OLFM3: variants seen among roughly 807,000 people sequenced by gnomAD.
OLFM3 encodes noelin-3.
A neutral mutation model predicts 48.6 loss-of-function variants in OLFM3; 20 were observed. The ratio of observed to expected loss-of-function variants is 0.41; its 90% CI spans 0.29 to 0.60. The LOEUF (loss-of-function observed/expected upper bound fraction) is 0.60, where lower values mean the gene tolerates loss of function less well. Among genes scored for constraint, OLFM3 ranks in the 20% least tolerant of loss-of-function variants. The pLI is 0.28. For synonymous variants in OLFM3, 222 were observed against 198.1 expected, an observed-to-expected ratio of 1.12 and a Z score of -1.01; for missense variants, 437 against 544.3, an observed-to-expected ratio of 0.80 and a Z score of 1.96.
At chr1:101,900,694 T>TA (rs1341599360) in intron 1 of OLFM3, among the ~76,000 whole-genome samples, 8 of 151,834 alleles carry the variant, frequency 5.3e-5, no homozygotes, top group African/African-American at 1.5e-4. Context: ...CTAAATAAAG[T>TA]AAAGAAAATA....
chr1:101,838,902 A>G (rs576246897), intron 1 of OLFM3, among the ~76,000 whole-genome samples: 1 of 152,356 alleles, frequency 6.6e-6, no homozygotes, highest in South Asian at 2.1e-4. Context: ...AATCTCCCGT[A>G]TACTTTGTCC....
intron 1 of OLFM3, among the ~76,000 whole-genome samples, chr1:101,934,839 G>C (rs1057508984): frequency 1.4e-4 from 22 of 151,956 alleles, no homozygotes; most frequent in Non-Finnish European, 2.6e-4. Context: ...CAATTACAGG[G>C]AAATTAAACA....
At chr1:101,992,084 G>C (rs1469355116) in intron 1 of OLFM3, among the ~76,000 whole-genome samples, 2 of 152,072 alleles carry the variant, frequency 1.3e-5, no homozygotes, top group Non-Finnish European at 2.9e-5. Flanking sequence ...CTTCCCCAAA[G>C]TCACATCTAT....
intron 4 of OLFM3, chr1:101,813,241 A>G: frequency 2.6e-6 from 1 of 391,672 alleles, no homozygotes; most frequent in Non-Finnish European, 4.4e-6. Context: ...ATTTGTCAAT[A>G]TTAAATAAAA....
chr1:101,866,303 A>G (rs2100970168), intron 1 of OLFM3, among the ~76,000 whole-genome samples: 1 of 152,278 alleles, frequency 6.6e-6, no homozygotes, highest in Non-Finnish European at 1.5e-5. Flanking sequence ...TTGAGTTGGT[A>G]TTAAATCAAA....
At chr1:101,860,203 T>G (rs1217124521) in intron 1 of OLFM3, among the ~76,000 whole-genome samples, 1 of 152,034 alleles carries the variant, frequency 6.6e-6, no homozygotes, top group Non-Finnish European at 1.5e-5. Flanking sequence ...TCATCCAGAG[T>G]TAATTGTTAA....
chr1:101,807,225 T>C (rs1570498398), intron 4 of OLFM3, among the ~76,000 whole-genome samples: 2 of 151,806 alleles, frequency 1.3e-5, no homozygotes, highest in East Asian at 3.9e-4. Context: ...TATGAGATTT[T>C]TGAACAGCAA....
rs112571610 is a variant in OLFM3, at chr1:101,892,241, G to A, written c.70-55216C>T. ...ATTGTACTGGTTCTAGTCTCAGTTC[G>A]GTATCAGAATGACTAGAGCAGCCTG... On this transcript the variant is annotated intron_variant, in intron 1 of 5. Transcript: ENST00000370103. 3.9e-3 allele frequency among the ~76,000 whole-genome samples: 537 copies of A among 138,866 alleles called. 2 individuals are homozygous for A. Among genetic ancestry groups the A allele is most frequent in the African/African-American group, 0.013 (496 of 38,762 alleles). 91.1% of individuals were successfully genotyped at this position (138,866 alleles called of 152,430 possible).
At chr1:101,923,064 G>GTCTGACTACTAT (rs1216317839) in intron 1 of OLFM3, among the ~76,000 whole-genome samples, 4 of 152,186 alleles carry the variant, frequency 2.6e-5, no homozygotes, top group African/African-American at 9.7e-5. Context: ...TCTGACTACA[G>GTCTGACTACTAT]GGCCCTATGG....
chr1:101,894,244 C>G (rs1171685119), intron 1 of OLFM3, among the ~76,000 whole-genome samples: 1 of 152,118 alleles, frequency 6.6e-6, no homozygotes, highest in African/African-American at 2.4e-5. Flanking sequence ...CAACAAACCT[C>G]TCTCCACTTT....
At chr1:101,937,422 G>A (rs746124472) in intron 1 of OLFM3, among the ~76,000 whole-genome samples, 1 of 152,122 alleles carries the variant, frequency 6.6e-6, no homozygotes, top group Non-Finnish European at 1.5e-5. Context: ...CCTAAATCTC[G>A]TCTTTAATTC....
At chr1:101,860,142 T>G (rs1434582973) in intron 1 of OLFM3, among the ~76,000 whole-genome samples, 1 of 152,014 alleles carries the variant, frequency 6.6e-6, no homozygotes, top group Non-Finnish European at 1.5e-5. Flanking sequence ...GAGTGAGGAT[T>G]GCCCAGAGGC....
chr1:101,867,428 G>A (rs1656899858), intron 1 of OLFM3, among the ~76,000 whole-genome samples: 1 of 152,180 alleles, frequency 6.6e-6, no homozygotes, highest in African/African-American at 2.4e-5. Context: ...CTGAAGGATT[G>A]TTACCTTCCT....
chr1:101,940,767 T>A (rs941018635), intron 1 of OLFM3, among the ~76,000 whole-genome samples: 5 of 150,920 alleles, frequency 3.3e-5, no homozygotes, highest in Non-Finnish European at 7.4e-5. Flanking sequence ...TTCATTTGTG[T>A]GTATATATAT....
chr1:101,994,680 A>C (rs1474815472), intron 1 of OLFM3, among the ~76,000 whole-genome samples: 1 of 151,046 alleles, frequency 6.6e-6, no homozygotes, highest in Non-Finnish European at 1.5e-5. Context: ...AAAAGTCCTA[A>C]AACTTTTTAC....
chr1:101,866,448 C>A (rs1406422177), intron 1 of OLFM3, among the ~76,000 whole-genome samples: 1 of 151,866 alleles, frequency 6.6e-6, no homozygotes, highest in Non-Finnish European at 1.5e-5. Context: ...AATGCCACAT[C>A]TTTTTTTAGC....
intron 1 of OLFM3, among the ~76,000 whole-genome samples, chr1:101,968,592 A>G (rs1396651229): frequency 6.6e-6 from 1 of 150,564 alleles, no homozygotes; most frequent in Non-Finnish European, 1.5e-5. Flanking sequence ...CAAGTATTCC[A>G]TTATACCCTT....
At chr1:101,830,482 A>G (rs1012428235) in intron 3 of OLFM3, among the ~76,000 whole-genome samples, 190 bp downstream of exon 3, 4 of 152,184 alleles carry the variant, frequency 2.6e-5, no homozygotes, top group African/African-American at 4.8e-5. Context: ...AGCTTTTTCT[A>G]TAGCAAGACT....
intron 2 of OLFM3, 75 bp downstream of exon 2, chr1:101,836,804 C>T (rs551973737): frequency 2.4e-5 from 34 of 1,408,972 alleles, no homozygotes; most frequent in Admixed American, 3.7e-5. Flanking sequence ...TCATTATTAT[C>T]GGCTCTACCA....
Sources: allele counts gnomAD v4.1 joint callset (sites outside exome capture counted in the v4.1 genomes callset), GRCh38; gene constraint gnomAD v4.1.1; transcripts MANE v1.5; gene names NCBI Gene and HGNC (gene_info 2026-07-23, HGNC 2026-07-21).